Variants in DAB2 observed in about 807,000 individuals in gnomAD.
DAB2 encodes DAB adaptor protein 2, also known as disabled homolog 2.
Under a neutral mutation model 71.6 loss-of-function variants are expected in DAB2, and 28 were observed. The ratio of observed to expected loss-of-function variants is 0.39; its 90% CI spans 0.29 to 0.54. The LOEUF (loss-of-function observed/expected upper bound fraction) is 0.54, where lower values mean the gene tolerates loss of function less well. DAB2 is among the 20% of genes least tolerant of loss of function. DAB2 has a pLI of 0.68. For synonymous variants in DAB2, 345 were observed against 339.7 expected (o/e 1.02, Z -0.17); for missense variants, 867 against 928.8 (o/e 0.93, Z 0.86).
chr5:39,410,966 A>T (rs1185174596), intron 1 of DAB2, among the ~76,000 whole-genome samples: 1 of 152,142 alleles, frequency 6.6e-6, no homozygotes, highest in Non-Finnish European at 1.5e-5. Flanking sequence ...GACTTTAGGC[A>T]AAAGGTTGGT....
intron 1 of DAB2, among the ~76,000 whole-genome samples, chr5:39,414,198 A>G (rs1755796080): frequency 1.3e-5 from 2 of 152,148 alleles, no homozygotes; most frequent in African/African-American, 4.8e-5. Flanking sequence ...TGCAGACAGT[A>G]ATGAGTTTGT....
At chr5:39,413,598 T>C (rs1204580733) in intron 1 of DAB2, among the ~76,000 whole-genome samples, 1 of 152,186 alleles carries the variant, frequency 6.6e-6, no homozygotes, top group Non-Finnish European at 1.5e-5. Flanking sequence ...GCAGAATGTA[T>C]TAACATGATT....
chr5:39,417,224 C>T (rs1226561995), intron 1 of DAB2: 1 of 151,930 alleles, frequency 6.6e-6, no homozygotes, highest in Non-Finnish European at 1.5e-5. Flanking sequence ...TGCAGCAAAC[C>T]ACCATGGCAC....
At chr5:39,393,139 G>C (rs1462470471) in intron 3 of DAB2, 115 bp downstream of exon 3, 8 of 1,058,620 alleles carry the variant, frequency 7.6e-6, no homozygotes, top group Non-Finnish European at 1.1e-5. Context: ...GATGGATAAT[G>C]TGATTAAAAG....
chr5:39,421,147 C>T (rs953969814), intron 1 of DAB2, among the ~76,000 whole-genome samples: 1 of 152,168 alleles, frequency 6.6e-6, no homozygotes, highest in Non-Finnish European at 1.5e-5. Flanking sequence ...GAGTAACTCC[C>T]TGTCTGTTCT....
chr5:39,396,604 C>T (rs1464013261), intron 1 of DAB2, among the ~76,000 whole-genome samples: 1 of 152,174 alleles, frequency 6.6e-6, no homozygotes, highest in African/African-American at 2.4e-5. Flanking sequence ...TCTTTTAATG[C>T]AAGTATTTTT....
At chr5:39,388,509 T>C in intron 8 of DAB2, 142 bp from the exon 9 acceptor site, 1 of 683,282 alleles carries the variant, frequency 1.5e-6, no homozygotes. Context: ...CATATTAAGC[T>C]GTTTAGGTCA....
intron 1 of DAB2, among the ~76,000 whole-genome samples, chr5:39,398,871 T>A (rs1323396677): frequency 6.6e-6 from 1 of 152,172 alleles, no homozygotes; most frequent in Non-Finnish European, 1.5e-5. Flanking sequence ...CAGACTTAGA[T>A]CCATCTGTAG....
At chr5:39,375,392 G>T (rs1305912985) in intron 13 of DAB2, among the ~76,000 whole-genome samples, 5 of 152,188 alleles carry the variant, frequency 3.3e-5, no homozygotes, top group Non-Finnish European at 7.4e-5. Context: ...TTTCAAGACA[G>T]TATTTTGGCT....
chr5:39,393,469 T>C, intron 2 of DAB2, 76 bp from the exon 3 acceptor site: 2 of 1,428,120 alleles, frequency 1.4e-6, no homozygotes, highest in Admixed American at 3.8e-5. Context: ...CTCTCCAAAA[T>C]TTAAGTAATA....
At chr5:39,408,874 C>A (rs1424844595) in intron 1 of DAB2, 1 of 152,080 alleles carries the variant, frequency 6.6e-6, no homozygotes, top group African/African-American at 2.4e-5. Flanking sequence ...TCCTAAAAGT[C>A]CAGGAGAGTT....
chr5:39,380,486 C>T (rs912365752), intron 11 of DAB2, among the ~76,000 whole-genome samples: 1 of 152,292 alleles, frequency 6.6e-6, no homozygotes, highest in South Asian at 2.1e-4. Context: ...TCCTCGTCTA[C>T]AGTCCTCCAC....
intron 9 of DAB2, among the ~76,000 whole-genome samples, chr5:39,386,960 T>A (rs886309715): frequency 1.3e-5 from 2 of 152,124 alleles, no homozygotes; most frequent in African/African-American, 4.8e-5. Context: ...CTCAGAACTA[T>A]AACAAAAATT....
chr5:39,394,255 T>C lies in DAB2; in HGVS notation c.66A>G (p.Ala22=). Residue 22 remains alanine (A), a synonymous_variant, in exon 2 of 15, where the codon GCA becomes GCG. Coordinates refer to ENST00000320816, the MANE Select transcript of DAB2 (RefSeq NM_001343.4). ...GQPDQQAAPK[A]PSKKEKKKGP... is the part of the protein sequence containing the mutation. Reference sequence around the variant, plus strand: ...CTTTCTTTTTTTCCTTCTTTGAGGGTGCTTTTGGTGCGGCCTGTTGGTCGG... The same window carrying C: ...CTTTCTTTTTTTCCTTCTTTGAGGGCGCTTTTGGTGCGGCCTGTTGGTCGG... 2 of 1,614,100 alleles carry C rather than the reference T, an allele frequency of 1.2e-6. No individual in the cohort carries two copies. The highest frequency in any genetic ancestry group is 1.7e-6 in the Non-Finnish European group (2 of 1,179,988).
At chr5:39,381,122 C>A (rs144621097) in intron 11 of DAB2, among the ~76,000 whole-genome samples, 1 of 152,216 alleles carries the variant, frequency 6.6e-6, no homozygotes, top group Non-Finnish European at 1.5e-5. Context: ...ACAAGCCTCT[C>A]TTATGTCAAC....
chr5:39,391,474 C>T (rs1326415099), intron 4 of DAB2, among the ~76,000 whole-genome samples: 1 of 152,048 alleles, frequency 6.6e-6, no homozygotes, highest in Non-Finnish European at 1.5e-5. Context: ...CTGAGGACCC[C>T]AGCACTAGCA....
chr5:39,421,866 G>A (rs879716626), intron 1 of DAB2, among the ~76,000 whole-genome samples: 55 of 150,374 alleles, frequency 3.7e-4, no homozygotes, highest in Non-Finnish European at 1.0e-4. Flanking sequence ...AGACCAGCCT[G>A]GCCAACATGG....
chr5:39,398,628 T>C (rs1272521688), intron 1 of DAB2, among the ~76,000 whole-genome samples: 2 of 152,160 alleles, frequency 1.3e-5, no homozygotes, highest in Non-Finnish European at 2.9e-5. Context: ...CTCTACTTCC[T>C]GAAATGATCA....
At chr5:39,388,242 T>C in intron 9 of DAB2, 63 bp downstream of exon 9, 1 of 1,202,936 alleles carries the variant, frequency 8.3e-7, no homozygotes, top group African/African-American at 1.5e-5. Context: ...GATTTCTGGT[T>C]ATTGCCAATT....
Sources: allele counts gnomAD v4.1 joint callset (sites outside exome capture counted in the v4.1 genomes callset), GRCh38; gene constraint gnomAD v4.1.1; transcripts MANE v1.5; gene names NCBI Gene and HGNC (gene_info 2026-07-23, HGNC 2026-07-21).